The following CHIC1 variants were observed in gnomAD, a reference collection of about 807,000 sequenced individuals.
The protein encoded by CHIC1 is cysteine-rich hydrophobic domain-containing protein 1.
Under a neutral mutation model 18.5 loss-of-function variants are expected in CHIC1, and 7 were observed. That is an observed-to-expected ratio of 0.38 (90% CI 0.22 to 0.71). CHIC1 has a LOEUF of 0.71. CHIC1 is among the 30% of genes least tolerant of loss of function. The pLI, the probability that CHIC1 is intolerant of heterozygous loss-of-function variation, is 0.49. For missense variants in CHIC1, 159 were observed against 176.9 expected (o/e 0.90, Z 0.57); for synonymous variants, 77 against 73.5 (o/e 1.05, Z -0.25).
intron 3 of CHIC1, among the ~76,000 whole-genome samples, chrX:73,655,347 CACAT>C (rs1355497724): frequency 2.9e-5 from 3 of 101,746 alleles, no homozygotes; most frequent in East Asian, 3.1e-4. Context: ...TATATATACA[CACAT>C]ACAAACACTA....
intron 5 of CHIC1, 129 bp downstream of exon 5, chrX:73,679,842 G>T: frequency 2.9e-6 from 1 of 343,193 alleles, no homozygotes; most frequent in Non-Finnish European, 5.0e-6. Context: ...GAAATATAGA[G>T]GTTTTCTTCT....
At chrX:73,644,296 TG>T in intron 3 of CHIC1, among the ~76,000 whole-genome samples, 1 of 112,108 alleles carries the variant, frequency 8.9e-6, no homozygotes, top group East Asian at 2.8e-4. Context: ...CTGCCCCTAC[TG>T]GGGGGTGCCT....
intron 2 of CHIC1, among the ~76,000 whole-genome samples, chrX:73,578,201 T>C (rs1361619679): frequency 1.8e-5 from 2 of 110,717 alleles, no homozygotes; most frequent in Admixed American, 9.6e-5. Flanking sequence ...AAACATCATG[T>C]TGTACACCTT....
chrX:73,674,467 T>G (rs1056340972), intron 3 of CHIC1, among the ~76,000 whole-genome samples: 6 of 111,854 alleles, frequency 5.4e-5, no homozygotes, highest in African/African-American at 1.6e-4. Flanking sequence ...CTTGGGAGGG[T>G]GTATGTGTCC....
At chrX:73,627,105 G>T (rs1030575968) in intron 3 of CHIC1, among the ~76,000 whole-genome samples, 1 of 99,554 alleles carries the variant, frequency 1.0e-5, no homozygotes, top group Non-Finnish European at 2.0e-5. Flanking sequence ...GTATTTCCAG[G>T]CAGAGACTCT....
At chrX:73,601,387 G>A (rs1489460155) in intron 3 of CHIC1, among the ~76,000 whole-genome samples, 16 of 105,801 alleles carry the variant, frequency 1.5e-4, no homozygotes, top group Non-Finnish European at 1.7e-4. Context: ...AATCAAACTA[G>A]AACTCAGGAT....
chrX:73,650,544 A>G (rs1315211228), intron 3 of CHIC1, among the ~76,000 whole-genome samples: 3 of 110,953 alleles, frequency 2.7e-5, no homozygotes. Flanking sequence ...AGAGAATACT[A>G]TAAACACCTC....
intron 3 of CHIC1, among the ~76,000 whole-genome samples, chrX:73,620,623 C>G (rs150213144): frequency 0.047 from 5,292 of 111,600 alleles, 318 homozygotes; most frequent in African/African-American, 0.16. Context: ...TGGATAGATG[C>G]TAAATTTTTC....
chrX:73,590,143 T>A (rs1211407905), intron 3 of CHIC1, among the ~76,000 whole-genome samples: 1 of 111,113 alleles, frequency 9.0e-6, no homozygotes, highest in East Asian at 2.8e-4. Context: ...ATGTTTTTTT[T>A]CTGTGTGCAG....
intron 3 of CHIC1, among the ~76,000 whole-genome samples, chrX:73,662,919 A>G (rs186769880): frequency 2.7e-5 from 3 of 112,219 alleles, no homozygotes; most frequent in Non-Finnish European, 3.8e-5. Flanking sequence ...CTTGATTTAC[A>G]TGATACTGAC....
chrX:73,605,732 T>C (rs1032236841), intron 3 of CHIC1, among the ~76,000 whole-genome samples: 19 of 108,928 alleles, frequency 1.7e-4, no homozygotes, highest in Non-Finnish European at 1.9e-5. Context: ...TAGAGGATTT[T>C]ATTTCTCCTT....
intron 3 of CHIC1, among the ~76,000 whole-genome samples, chrX:73,666,439 G>T (rs1453634329): frequency 8.9e-6 from 1 of 112,039 alleles, no homozygotes; most frequent in African/African-American, 3.2e-5. Context: ...AAAGATGTAG[G>T]CTGGGAGGCT....
intron 3 of CHIC1, among the ~76,000 whole-genome samples, chrX:73,604,306 T>C (rs907763818): frequency 2.7e-4 from 28 of 105,572 alleles, no homozygotes; most frequent in Non-Finnish European, 4.8e-4. Context: ...TAGAGGTGTT[T>C]ATAGTATTCT....
At position 73,625,984 on chromosome X, in the gene CHIC1, G is replaced by A. The variant is rs750763925; in HGVS notation, c.507+41412G>A. 7.3e-4 allele frequency among the ~76,000 whole-genome samples: 81 copies of A among 110,513 alleles called. No individual in the cohort carries two copies. In the South Asian group the frequency reaches 0.012, roughly 17 times the overall value. On this transcript the variant is annotated intron_variant, in intron 3 of 5. Transcript: ENST00000373502. ...TGCTGCAGTCTATTTCCTTTGGGTC[G>A]GGGGTCTCCTCAGTATCATCCCTTC...
At chrX:73,661,486 A>C (rs1206281891) in intron 3 of CHIC1, among the ~76,000 whole-genome samples, 1 of 111,761 alleles carries the variant, frequency 8.9e-6, no homozygotes, top group Non-Finnish European at 1.9e-5. Context: ...TGGTGGAAAA[A>C]TTGATGCAAT....
chrX:73,678,919 C>G (rs1038141922), intron 3 of CHIC1, among the ~76,000 whole-genome samples: 1 of 111,718 alleles, frequency 9.0e-6, no homozygotes, highest in Admixed American at 9.5e-5. Flanking sequence ...ATTAGATTAG[C>G]TTGGCATTAG....
Position 73,607,722 on chromosome X carries a change from G to A in CHIC1, c.507+23150G>A, listed in dbSNP as rs143770726. ...CTCACTCACGGCACAGTCCCTCATG[G>A]CTTTCCTTGGCTCGGGGAGGGAGTT... On this transcript the variant is annotated intron_variant, in intron 3 of 5. Transcript: ENST00000373502. 9.3e-3 allele frequency among the ~76,000 whole-genome samples: 1,009 copies of A among 108,081 alleles called. 10 individuals are homozygous for A. Among genetic ancestry groups the A allele is most frequent in the Non-Finnish European group, 0.013 (671 of 52,951 alleles). 93.9% of individuals were successfully genotyped at this position (108,081 alleles called of 115,157 possible).
intron 3 of CHIC1, among the ~76,000 whole-genome samples, chrX:73,673,961 G>C (rs1255212072): frequency 8.9e-6 from 1 of 111,815 alleles, no homozygotes; most frequent in Non-Finnish European, 1.9e-5. Flanking sequence ...AGCATGAAGG[G>C]TTGTTGAATT....
intron 3 of CHIC1, among the ~76,000 whole-genome samples, chrX:73,656,708 G>A (rs1234453724): frequency 8.9e-6 from 1 of 112,079 alleles, no homozygotes; most frequent in Non-Finnish European, 1.9e-5. Flanking sequence ...CTGTAGCCTT[G>A]TAGTATAGTT....
Sources: allele counts gnomAD v4.1 joint callset (sites outside exome capture counted in the v4.1 genomes callset), GRCh38; gene constraint gnomAD v4.1.1; transcripts MANE v1.5; gene names NCBI Gene and HGNC (gene_info 2026-07-23, HGNC 2026-07-21).